Variants in TTC6 observed in about 807,000 individuals in gnomAD.
TTC6 encodes tetratricopeptide repeat protein 6.
TTC6 carries 172 observed loss-of-function variants against 210.4 expected under a neutral mutation model. That is an observed-to-expected ratio of 0.82 (90% confidence interval 0.72 to 0.93). The LOEUF is 0.93. TTC6 is among the 40% of genes least tolerant of loss of function. The pLI, the probability that TTC6 is intolerant of heterozygous loss-of-function variation, is 0.00. For missense variants in TTC6, 2,414 were observed against 2,318.1 expected, an observed-to-expected ratio of 1.04 and a Z score of -0.85; for synonymous variants, 804 against 819.6, an observed-to-expected ratio of 0.98 and a Z score of 0.32.
chr14:37,771,201 G>A lies in TTC6; in HGVS notation c.3267-16267G>A. Among the ~76,000 whole-genome samples the A allele has an allele frequency of 2.6e-5, 4 of 152,216 alleles. 1 individual carries two copies. The Middle Eastern group carries it at 0.014, about 518-fold the overall frequency. On this transcript the variant is annotated intron_variant, in intron 14 of 30. Transcript: ENST00000553443. ...GTTAGTCTGATGGGCTTCCCTTTGA[G>A]GGTAACCCGACCTTTCTGTCTGGCT...
At chr14:37,712,448 C>G (rs747094358) in intron 5 of TTC6, among the ~76,000 whole-genome samples, 54 of 152,262 alleles carry the variant, frequency 3.5e-4, no homozygotes, top group Admixed American at 7.2e-4. Context: ...CCTGGATACA[C>G]TGGAATTCAG....
intron 1 of TTC6, among the ~76,000 whole-genome samples, chr14:37,641,296 A>G (rs1389213383): frequency 2.0e-5 from 3 of 152,204 alleles, no homozygotes; most frequent in African/African-American, 4.8e-5. Context: ...AGGCAGCTGT[A>G]TTCTTTACAG....
intron 2 of TTC6, among the ~76,000 whole-genome samples, chr14:37,610,394 C>T (rs1487670753): frequency 6.6e-6 from 1 of 152,182 alleles, no homozygotes; most frequent in African/African-American, 2.4e-5. Context: ...TTCTCCCCAC[C>T]TCATTTTTTA....
At chr14:37,603,241 C>A (rs900547188) in intron 1 of TTC6, among the ~76,000 whole-genome samples, 2 of 152,200 alleles carry the variant, frequency 1.3e-5, no homozygotes, top group Non-Finnish European at 2.9e-5. Context: ...CAGCCAGGCC[C>A]TCTGTGCCTC....
At chr14:37,773,325 T>G (rs2096026434) in intron 14 of TTC6, among the ~76,000 whole-genome samples, 1 of 152,208 alleles carries the variant, frequency 6.6e-6, no homozygotes, top group African/African-American at 2.4e-5. Context: ...GGCATTTTCA[T>G]CATGAAATCC....
chr14:37,648,164 G>A (rs2139409275), intron 1 of TTC6, among the ~76,000 whole-genome samples: 1 of 152,140 alleles, frequency 6.6e-6, no homozygotes, highest in East Asian at 1.9e-4. Flanking sequence ...TAATACAGTT[G>A]GTGTTTAATG....
intron 2 of TTC6, among the ~76,000 whole-genome samples, chr14:37,614,110 T>C (rs1730707324): frequency 6.6e-6 from 1 of 152,146 alleles, no homozygotes; most frequent in South Asian, 2.1e-4. Context: ...TTCTAAACAC[T>C]GCTTCAGCTA....
chr14:37,624,931 A>T (rs923395885), intron 1 of TTC6, among the ~76,000 whole-genome samples: 3 of 151,968 alleles, frequency 2.0e-5, no homozygotes, highest in Non-Finnish European at 4.4e-5. Context: ...CCACTTGTGT[A>T]TTCTTTTTAT....
Position 37,624,656 on chromosome 14 carries a change from C to G in TTC6, c.939+1653C>G, listed in dbSNP as rs571528991. Among the ~76,000 whole-genome samples the G allele has an allele frequency of 4.0e-5, 6 of 151,894 alleles. No homozygotes were observed. The East Asian group carries it at 9.7e-4, about 25-fold the overall frequency. ...CTTTTTTTTTTGACGGAGTTTTGCTCTGTCGCTCAGGCTGGAGTGCAGTAG... is the reference window on the plus strand; with the variant it reads ...CTTTTTTTTTTGACGGAGTTTTGCTGTGTCGCTCAGGCTGGAGTGCAGTAG... On this transcript the variant is annotated intron_variant, in intron 1 of 30. Transcript: ENST00000553443.
In TTC6 at chr14:37,730,344, G is replaced by A. The variant is rs1184655524; in HGVS notation, c.1818+5342G>A. On this transcript the variant is annotated intron_variant, in intron 7 of 30. Coordinates refer to ENST00000553443, the Ensembl canonical transcript of TTC6. Reference sequence around the variant, plus strand: ...TATATTCATGATTTTACATTTTCATGGTTATTTAAAAATATCTGGCATGTA... The same window carrying A: ...TATATTCATGATTTTACATTTTCATAGTTATTTAAAAATATCTGGCATGTA... 2.6e-5 allele frequency among the ~76,000 whole-genome samples: 4 copies of A among 151,976 alleles called. No homozygotes were observed. In the East Asian group the frequency reaches 7.7e-4, roughly 29 times the overall value.
At chr14:37,606,800 C>T (rs2095626001) in intron 2 of TTC6, 58 bp downstream of exon 2, 1 of 983,838 alleles carries the variant, frequency 1.0e-6, no homozygotes, top group Admixed American at 6.2e-5. Flanking sequence ...TCAAAAGGCT[C>T]TACTCCTTCC....
At chr14:37,715,528 G>C (rs1566906204) in intron 6 of TTC6, among the ~76,000 whole-genome samples, 1 of 151,856 alleles carries the variant, frequency 6.6e-6, no homozygotes, top group Non-Finnish European at 1.5e-5. Flanking sequence ...TATCAGATAA[G>C]ATAGACTTCC....
chr14:37,702,215 C>T lies in TTC6; in HGVS notation c.1571+689C>T, dbSNP rs563355588. On this transcript the variant is annotated intron_variant, in intron 5 of 30. Transcript: ENST00000553443. ...TTTATTCATGAAGAAATTTAGGGTT[C>T]GTGATACCAGGTTACTTGCTGAAGT... 8.5e-5 allele frequency among the ~76,000 whole-genome samples: 13 copies of T among 152,166 alleles called. No homozygotes were observed. The East Asian group carries it at 1.7e-3, about 20-fold the overall frequency.
chr14:37,678,503 A>G (rs12879553), intron 1 of TTC6, among the ~76,000 whole-genome samples: 15,485 of 152,220 alleles, frequency 0.1, 1,136 homozygotes, highest in East Asian at 0.27. Flanking sequence ...TTCTCTATGC[A>G]GTGCCCTCAT....
intron 6 of TTC6, among the ~76,000 whole-genome samples, chr14:37,715,744 A>G (rs1336583913): frequency 3.3e-5 from 5 of 152,212 alleles, no homozygotes; most frequent in African/African-American, 1.2e-4. Context: ...TCCTACATCC[A>G]GAAAAATATC....
At chr14:37,829,324 A>C (rs149837733) in intron 29 of TTC6, among the ~76,000 whole-genome samples, 1 of 152,052 alleles carries the variant, frequency 6.6e-6, no homozygotes, top group African/African-American at 2.4e-5. Context: ...AAGTGTGTTT[A>C]TGTTAAAGGT....
chr14:37,775,768 C>A (rs947243688), intron 14 of TTC6, among the ~76,000 whole-genome samples: 6 of 152,124 alleles, frequency 3.9e-5, no homozygotes, highest in African/African-American at 1.2e-4. Flanking sequence ...CTTCATAGGT[C>A]TCTAAGAACT....
chr14:37,632,110 C>T (rs911977771), intron 1 of TTC6, among the ~76,000 whole-genome samples: 9 of 152,182 alleles, frequency 5.9e-5, no homozygotes, highest in African/African-American at 2.2e-4. Flanking sequence ...CTGAAGCCTA[C>T]TTCTGCCAGT....
At chr14:37,766,393 ATTG>A (rs1317305392) in intron 14 of TTC6, among the ~76,000 whole-genome samples, 15 of 152,112 alleles carry the variant, frequency 9.9e-5, no homozygotes, top group Admixed American at 1.3e-4. Flanking sequence ...CCCCATGTCT[ATTG>A]TTCCCTTATT....
Sources: gnomAD v4.1 joint callset for allele counts (sites outside exome capture counted in the v4.1 genomes callset) on GRCh38, gnomAD v4.1.1 for gene constraint, MANE v1.5 for transcripts, NCBI Gene and HGNC (gene_info 2026-07-23, HGNC 2026-07-21) for gene names.